The following CNTN4 variants were observed in gnomAD, a reference collection of about 807,000 sequenced individuals.
CNTN4 encodes the protein contactin-4.
A neutral mutation model predicts 122.5 loss-of-function variants in CNTN4; 77 were observed. That is an observed-to-expected ratio of 0.63 (90% CI 0.52 to 0.76). CNTN4 has a LOEUF of 0.76. Ranked by LOEUF, CNTN4 falls within the 30% of genes least tolerant of loss-of-function variation. CNTN4 has a pLI of 0.00. For missense variants in CNTN4, 1,256 were observed against 1,259.1 expected, an observed-to-expected ratio of 1.00 and a Z score of 0.04; for synonymous variants, 512 against 447.0, an observed-to-expected ratio of 1.15 and a Z score of -1.83.
At chr3:2,569,179 T>TC (rs2079311588) in intron 3 of CNTN4, among the ~76,000 whole-genome samples, 1 of 152,180 alleles carries the variant, frequency 6.6e-6, no homozygotes, top group African/African-American at 2.4e-5. Flanking sequence ...ATATATTAAG[T>TC]CCAGCTCTAT....
intron 3 of CNTN4, among the ~76,000 whole-genome samples, chr3:2,551,837 A>G (rs1423318181): frequency 6.6e-6 from 1 of 152,130 alleles, no homozygotes; most frequent in East Asian, 1.9e-4. Flanking sequence ...GGCTTTTTAA[A>G]GGTTTTTTTC....
chr3:2,805,261 A>G (rs893500681), intron 6 of CNTN4, among the ~76,000 whole-genome samples: 1 of 152,096 alleles, frequency 6.6e-6, no homozygotes, highest in African/African-American at 2.4e-5. Context: ...AGCCTGTGGC[A>G]ATTCAAGTGC....
intron 2 of CNTN4, among the ~76,000 whole-genome samples, chr3:2,165,309 G>A (rs961507386): frequency 6.6e-6 from 1 of 150,990 alleles, no homozygotes; most frequent in African/African-American, 2.4e-5. Flanking sequence ...GGTGACAAGA[G>A]CAAGACTGCA....
At chr3:2,483,551 T>C (rs1451904612) in intron 3 of CNTN4, among the ~76,000 whole-genome samples, 1 of 152,200 alleles carries the variant, frequency 6.6e-6, no homozygotes, top group African/African-American at 2.4e-5. Context: ...CCAAACTTCA[T>C]CTTGAGTTGT....
intron 5 of CNTN4, among the ~76,000 whole-genome samples, chr3:2,741,085 A>G (rs2089431037): frequency 6.6e-6 from 1 of 152,230 alleles, no homozygotes; most frequent in South Asian, 2.1e-4. Flanking sequence ...CGTCATATAG[A>G]CAAAGTATTT....
intron 13 of CNTN4, among the ~76,000 whole-genome samples, chr3:2,962,145 C>T (rs2125012040): frequency 6.6e-6 from 1 of 152,306 alleles, no homozygotes; most frequent in South Asian, 2.1e-4. Context: ...CCAGGAAAAA[C>T]CTAACTTATC....
intron 2 of CNTN4, among the ~76,000 whole-genome samples, chr3:2,328,349 T>G (rs1312881588): frequency 6.6e-6 from 1 of 150,832 alleles, no homozygotes; most frequent in East Asian, 2.0e-4. Context: ...GAGCTTGCGG[T>G]GAGCCAAGAT....
intron 12 of CNTN4, among the ~76,000 whole-genome samples, chr3:2,911,847 AT>A (rs1400757971): frequency 6.6e-6 from 1 of 152,216 alleles, no homozygotes; most frequent in African/African-American, 2.4e-5. Context: ...ACAGAAAAAA[AT>A]AATCAGCAAT....
At chr3:2,428,190 G>A (rs2047918136) in intron 3 of CNTN4, among the ~76,000 whole-genome samples, 1 of 152,170 alleles carries the variant, frequency 6.6e-6, no homozygotes, top group African/African-American at 2.4e-5. Flanking sequence ...AATTTGGCAT[G>A]TTTTTGCAGT....
intron 6 of CNTN4, among the ~76,000 whole-genome samples, chr3:2,805,039 T>C (rs1175410729): frequency 6.6e-6 from 1 of 152,008 alleles, no homozygotes; most frequent in Non-Finnish European, 1.5e-5. Flanking sequence ...TTGCCGGGCA[T>C]GGTGGCAGGA....
At chr3:2,617,419 C>CGTTTT (rs749859960) in intron 4 of CNTN4, among the ~76,000 whole-genome samples, 1 of 108,528 alleles carries the variant, frequency 9.2e-6, no homozygotes, top group Non-Finnish European at 1.8e-5. Context: ...AGAGAAATGC[C>CGTTTT]TTTTTTTTTT....
intron 4 of CNTN4, among the ~76,000 whole-genome samples, chr3:2,651,240 C>T (rs931588210): frequency 1.4e-4 from 21 of 152,126 alleles, no homozygotes; most frequent in Non-Finnish European, 1.3e-4. Flanking sequence ...AGCCTCTTTC[C>T]TTGCAGTGAA....
chr3:2,362,841 ACAAT>A (rs1047957171), intron 3 of CNTN4: 9 of 180,868 alleles, frequency 5.0e-5, no homozygotes, highest in Non-Finnish European at 4.6e-5. Flanking sequence ...CTCCCAAAAA[ACAAT>A]CAATCAGTCA....
intron 2 of CNTN4, among the ~76,000 whole-genome samples, chr3:2,168,072 A>G (rs2727930): frequency 1.3e-5 from 2 of 151,750 alleles, no homozygotes; most frequent in Non-Finnish European, 2.9e-5. Context: ...GTTAAAGGTT[A>G]TAGTAAGCTA....
At chr3:2,163,673 A>C (rs2036060493) in intron 2 of CNTN4, among the ~76,000 whole-genome samples, 2 of 152,272 alleles carry the variant, frequency 1.3e-5, no homozygotes, top group South Asian at 4.1e-4. Context: ...TCCCATCAAA[A>C]AGTGGGCAAA....
intron 13 of CNTN4, among the ~76,000 whole-genome samples, chr3:2,931,391 A>G (rs1224410512): frequency 6.6e-6 from 1 of 152,162 alleles, no homozygotes; most frequent in Non-Finnish European, 1.5e-5. Flanking sequence ...GTAAACAGAG[A>G]AGGAGCAAGA....
chr3:2,679,591 C>G lies in CNTN4; in HGVS notation c.56-56624C>G, dbSNP rs112403464. On this transcript the variant is annotated intron_variant, in intron 4 of 24. Transcript: ENST00000418658. The stretch of plus-strand genomic sequence containing the variant: ...TGGATACTTGTTAGAATGGATTTGC[C>G]AATTTTTGTATGTATGGGATTATAC... Among the ~76,000 whole-genome samples the G allele has an allele frequency of 4.2e-3, 634 of 152,190 alleles. 4 individuals are homozygous for G. Among genetic ancestry groups the G allele is most frequent in the African/African-American group, 0.015 (603 of 41,508 alleles).
chr3:2,188,091 G>C (rs888044781), intron 2 of CNTN4, among the ~76,000 whole-genome samples: 1 of 151,998 alleles, frequency 6.6e-6, no homozygotes, highest in Non-Finnish European at 1.5e-5. Context: ...TGAGCCCCTT[G>C]ATTGGTTACC....
intron 13 of CNTN4, among the ~76,000 whole-genome samples, chr3:2,932,173 C>G (rs1308920695): frequency 1.3e-5 from 2 of 151,988 alleles, no homozygotes; most frequent in South Asian, 4.2e-4. Context: ...GTCAGGAGAT[C>G]GAGACCATCC....
Sources: gnomAD v4.1 joint callset for allele counts (sites outside exome capture counted in the v4.1 genomes callset) on GRCh38, gnomAD v4.1.1 for gene constraint, MANE v1.5 for transcripts, NCBI Gene and HGNC (gene_info 2026-07-23, HGNC 2026-07-21) for gene names.